The following TTLL11 variants were observed in gnomAD, a reference collection of about 807,000 sequenced individuals.
The protein encoded by TTLL11 is tubulin polyglutamylase TTLL11.
A neutral mutation model predicts 51.7 loss-of-function variants in TTLL11; 42 were observed. The observed-to-expected ratio is 0.81, with a 90% CI of 0.64 to 1.05. The LOEUF is 1.05. Among genes scored for constraint, TTLL11 ranks in the 50% least tolerant of loss-of-function variants. TTLL11 has a pLI of 0.00. For synonymous variants in TTLL11, 381 were observed against 383.5 expected (o/e 0.99, Z 0.08); for missense variants, 799 against 940.4 (o/e 0.85, Z 1.97).
At chr9:121,930,353 T>C (rs1324791236) in intron 6 of TTLL11, among the ~76,000 whole-genome samples, 1 of 152,212 alleles carries the variant, frequency 6.6e-6, no homozygotes, top group Non-Finnish European at 1.5e-5. Context: ...CTATTTGAGC[T>C]CTTTTACTCA....
intron 6 of TTLL11, among the ~76,000 whole-genome samples, chr9:121,968,663 T>C (rs1842475132): frequency 6.6e-6 from 1 of 152,162 alleles, no homozygotes; most frequent in East Asian, 1.9e-4. Flanking sequence ...TTCAAGCGAT[T>C]CTTCTGCCTC....
rs1843019205 is a variant in TTLL11, at chr9:121,989,135, G to C, written c.1269+60C>G. ...CGATCACTCATCCTACACGAAGCCA[G>C]AGAGCCCTCTTGAGGCCGGTCAAGG... is the stretch of plus-strand genomic sequence containing the variant. On this transcript the variant is annotated intron_variant, in intron 4 of 8. Coordinates refer to ENST00000321582, the MANE Select transcript of TTLL11 (RefSeq NM_001139442.2). The surrounding 1 kb of genome is among the most constrained non-coding windows in gnomAD (Gnocchi z 4.2). The C allele has an allele frequency of 6.3e-7, 1 of 1,588,352 alleles. No individual in the cohort carries two copies. Among genetic ancestry groups the C allele is most frequent in the East Asian group, 2.2e-5 (1 of 44,606 alleles).
chr9:121,849,878 C>G (rs555014483), intron 8 of TTLL11, among the ~76,000 whole-genome samples: 2 of 152,082 alleles, frequency 1.3e-5, no homozygotes, highest in African/African-American at 4.8e-5. Flanking sequence ...GTAACCCCAC[C>G]GCTACCAAAT....
At chr9:121,977,666 A>T (rs72765943) in intron 4 of TTLL11, among the ~76,000 whole-genome samples, 19,567 of 125,244 alleles carry the variant, frequency 0.16, 1,435 homozygotes, top group Middle Eastern at 0.25. Context: ...TTTATTTTTA[A>T]TTTAATTTAA....
Position 121,854,068 on chromosome 9 carries a change from T to C in TTLL11, c.1840+6269A>G, listed in dbSNP as rs551817960. ...TTCCAGGAGGCAGGCACCATTATTA[T>C]CTCCACTTTACACCTGATGAACTTG... On this transcript the variant is annotated intron_variant, in intron 8 of 8. Transcript: ENST00000321582. Among the ~76,000 whole-genome samples the C allele has an allele frequency of 2.0e-5, 3 of 152,306 alleles. No individual in the cohort carries two copies. The East Asian group carries it at 5.8e-4, about 29-fold the overall frequency.
intron 6 of TTLL11, among the ~76,000 whole-genome samples, chr9:121,878,156 G>C (rs1342290943): frequency 6.6e-6 from 1 of 152,208 alleles, no homozygotes; most frequent in African/African-American, 2.4e-5. Context: ...TGGCAATGGA[G>C]AGAAGTTTCT....
At chr9:121,874,154 G>A (rs1838475099) in intron 6 of TTLL11, among the ~76,000 whole-genome samples, 1 of 152,046 alleles carries the variant, frequency 6.6e-6, no homozygotes, top group Non-Finnish European at 1.5e-5. Flanking sequence ...ACCGTGCCTG[G>A]CCAGTCTGGT....
chr9:122,064,644 G>A (rs541281832), intron 1 of TTLL11, among the ~76,000 whole-genome samples: 1 of 152,264 alleles, frequency 6.6e-6, no homozygotes, highest in South Asian at 2.1e-4. Context: ...CATGGTTTCT[G>A]CTTTTGTTGA....
chr9:122,055,312 G>A (rs1420247951), intron 1 of TTLL11, among the ~76,000 whole-genome samples: 1 of 152,110 alleles, frequency 6.6e-6, no homozygotes, highest in Non-Finnish European at 1.5e-5. Flanking sequence ...GCAAGCTGAG[G>A]AGCAAGGAAG....
chr9:121,881,056 A>C (rs1838770021), intron 6 of TTLL11, among the ~76,000 whole-genome samples: 1 of 152,196 alleles, frequency 6.6e-6, no homozygotes. Context: ...AAATTTCCTA[A>C]TGGCAACAGC....
chr9:121,922,058 A>AGCT (rs967663801), intron 6 of TTLL11, among the ~76,000 whole-genome samples: 14 of 152,056 alleles, frequency 9.2e-5, no homozygotes, highest in African/African-American at 1.9e-4. Context: ...TCTAACTGCC[A>AGCT]GCTGCTGCTG....
intron 8 of TTLL11, among the ~76,000 whole-genome samples, chr9:121,852,114 C>T (rs754854823): frequency 6.6e-6 from 1 of 152,202 alleles, no homozygotes; most frequent in Non-Finnish European, 1.5e-5. Flanking sequence ...GCCTTGGTTT[C>T]CTCCTCTGTA....
Position 121,997,626 on chromosome 9 carries a change from C to T in TTLL11, c.694-7856G>A, listed in dbSNP as rs927190041. Among the ~76,000 whole-genome samples the T allele has an allele frequency of 4.6e-5, 7 of 152,290 alleles. No homozygotes were observed. The East Asian group carries it at 1.2e-3, about 25-fold the overall frequency. On this transcript the variant is annotated intron_variant, in intron 3 of 8. Transcript: ENST00000321582. ...ACCTGGGTTCAGATCTCAGCTCAGC[C>T]ACTTCCTAGCTGTAGGACCTTGGCC... is the stretch of plus-strand genomic sequence containing the variant.
At chr9:122,001,940 C>T (rs1281620393) in intron 3 of TTLL11, among the ~76,000 whole-genome samples, 1 of 152,190 alleles carries the variant, frequency 6.6e-6, no homozygotes, top group Admixed American at 6.5e-5. Flanking sequence ...TGCCTTTGAT[C>T]ACCCTAAAAC....
At chr9:122,064,491 G>T (rs1190657680) in intron 1 of TTLL11, among the ~76,000 whole-genome samples, 3 of 152,288 alleles carry the variant, frequency 2.0e-5, no homozygotes, top group African/African-American at 4.8e-5. Context: ...TATATTGGTT[G>T]CTCTCATGCT....
intron 1 of TTLL11, among the ~76,000 whole-genome samples, chr9:122,058,497 G>A (rs1265108543): frequency 6.6e-6 from 1 of 152,220 alleles, no homozygotes. Context: ...GGAAATATAT[G>A]ACTACAGTGG....
chr9:122,039,156 C>A (rs552410169), intron 2 of TTLL11, 116 bp downstream of exon 2: 6 of 834,526 alleles, frequency 7.2e-6, no homozygotes, highest in South Asian at 1.7e-5. Context: ...CACAGCAATT[C>A]CCAATTAAGA....
Position 122,093,158 on chromosome 9 carries a change from G to A in TTLL11, c.-10C>T. On this transcript the variant is annotated 5_prime_UTR_variant, in exon 1 of 9. Transcript: ENST00000321582. ...AGCTGCCCCGCCGCATGGTGCTCAG[G>A]GCCGGGGCCAGTGCCAGTGCCACCG... The A allele has an allele frequency of 6.7e-7, 1 of 1,494,254 alleles. No individual in the cohort carries two copies. Among genetic ancestry groups the A allele is most frequent in the South Asian group, 1.2e-5 (1 of 80,300 alleles). The allele number at this position is 1,494,254 out of a possible 1,614,324, so 92.6% of individuals were successfully genotyped here.
chr9:121,879,562 T>C (rs934744946), intron 6 of TTLL11, among the ~76,000 whole-genome samples: 1 of 152,196 alleles, frequency 6.6e-6, no homozygotes, highest in African/African-American at 2.4e-5. Context: ...CCTTCTGAAA[T>C]ACATAGAGAG....
Sources: allele counts gnomAD v4.1 joint callset (sites outside exome capture counted in the v4.1 genomes callset), GRCh38; gene constraint gnomAD v4.1.1; non-coding constraint Gnocchi (gnomAD v3.1); transcripts MANE v1.5; gene names NCBI Gene and HGNC (gene_info 2026-07-23, HGNC 2026-07-21).